CHAF1A: variants seen among roughly 807,000 people sequenced by gnomAD.
CHAF1A encodes CAF-1 subunit A.
A neutral mutation model predicts 93.2 loss-of-function variants in CHAF1A; 5 were observed. The observed-to-expected ratio is 0.05, with a 90% CI of 0.03 to 0.11. CHAF1A has a LOEUF of 0.11. CHAF1A is among the 10% of genes least tolerant of loss of function. The pLI is 1.00. For synonymous variants in CHAF1A, 504 were observed against 510.3 expected (o/e 0.99, Z 0.17); for missense variants, 1,102 against 1,259.9 (o/e 0.87, Z 1.90).
In CHAF1A at chr19:4,443,364, C is replaced by G. The variant is rs1022503754; in HGVS notation, c.*339C>G. On this transcript the variant is annotated 3_prime_UTR_variant, in exon 15 of 15. Transcript: ENST00000301280. The stretch of plus-strand genomic sequence containing the variant: ...CACGTGCGCGGGCCCCTGGACCTAA[C>G]GAGGCAGTGTATAAACTTATTCTCT... 22 of 313,530 alleles carry G rather than the reference C, an allele frequency of 7.0e-5. No homozygotes were observed. The highest frequency in any genetic ancestry group is 1.1e-4 in the African/African-American group (5 of 45,662). The allele number at this position is 313,530 out of a possible 1,614,324, so 19.4% of individuals were successfully genotyped here.
At chr19:4,415,380 G>C (rs568259658) in intron 3 of CHAF1A, among the ~76,000 whole-genome samples, 1 of 152,156 alleles carries the variant, frequency 6.6e-6, no homozygotes, top group Non-Finnish European at 1.5e-5. Flanking sequence ...TCACAGCAGA[G>C]GGGGGGCATT....
At chr19:4,410,541 TG>T (rs1420293448) in intron 3 of CHAF1A, among the ~76,000 whole-genome samples, 1 of 151,954 alleles carries the variant, frequency 6.6e-6, no homozygotes. Flanking sequence ...CCACCACACT[TG>T]GCTAATTTTT....
rs751459841 is a variant in CHAF1A, at chr19:4,442,948, G to A, written c.2794G>A (p.Ala932Thr). ...AGAGGTCCAAGCCCCGTGTGGAGCC[G>A]CTTCCGGAGCTGGGGGTGGTGTGGG... is the stretch of plus-strand genomic sequence containing the variant. ...AAEVQAPCGA[A>T]SGAGGGVGVD... Residue 932 changes from alanine (A) to threonine (T), a missense_variant, in exon 15 of 15, where the codon GCT (alanine) becomes ACT (threonine). Physicochemically the swap from Ala to Thr is moderately conservative, Grantham distance 58 (BLOSUM62 0). This residue lies in a region of CHAF1A where 119 missense variants were observed against 102.2 expected (regional missense o/e 1.16). Transcript: ENST00000301280. 19 of 1,601,254 alleles carry A rather than the reference G, an allele frequency of 1.2e-5. No homozygotes were observed. Among genetic ancestry groups the A allele is most frequent in the Admixed American group, 1.7e-5 (1 of 58,346 alleles).
intron 11 of CHAF1A, 142 bp from the exon 12 acceptor site, chr19:4,431,810 C>T: frequency 1.0e-6 from 1 of 980,380 alleles, no homozygotes; most frequent in Non-Finnish European, 1.5e-6. Flanking sequence ...TGTGCTCTGC[C>T]CTGGCCCTGA....
chr19:4,443,627 G>A (rs981015115), downstream of CHAF1A, among the ~76,000 whole-genome samples: 3 of 152,206 alleles, frequency 2.0e-5, no homozygotes, highest in South Asian at 4.1e-4. Flanking sequence ...GGGTTGGGGG[G>A]TTAGGAGAGG....
intron 4 of CHAF1A, among the ~76,000 whole-genome samples, chr19:4,420,478 A>G (rs1973972014): frequency 1.3e-5 from 2 of 152,176 alleles, no homozygotes; most frequent in South Asian, 4.2e-4. Context: ...CCTGACCTCA[A>G]GTAATCCGCC....
rs945290152 is a variant in CHAF1A, at chr19:4,430,765, C to T, written c.1947+124C>T. 14 of 972,084 alleles carry T rather than the reference C, an allele frequency of 1.4e-5. No individual in the cohort carries two copies. In the African/African-American group the frequency reaches 2.0e-4, roughly 14 times the overall value. The allele number at this position is 972,084 out of a possible 1,614,324, so 60.2% of individuals were successfully genotyped here. On this transcript the variant is annotated intron_variant, in intron 11 of 14. Coordinates refer to ENST00000301280, the MANE Select transcript of CHAF1A (RefSeq NM_005483.3). Reference sequence around the variant, plus strand: ...AACCATACGAGATTTGGACTGCATTCCAAGCACGCAAGCTCACTCGTGGGA... The same window carrying T: ...AACCATACGAGATTTGGACTGCATTTCAAGCACGCAAGCTCACTCGTGGGA...
downstream of CHAF1A, chr19:4,446,458 A>G: frequency 1.9e-6 from 3 of 1,577,862 alleles, no homozygotes; most frequent in Non-Finnish European, 2.6e-6. Context: ...GGGTTCTTCC[A>G]CCCCGCCCCG....
intron 3 of CHAF1A, among the ~76,000 whole-genome samples, chr19:4,417,217 C>T (rs1181750390): frequency 6.6e-6 from 1 of 151,992 alleles, no homozygotes; most frequent in Admixed American, 6.6e-5. Flanking sequence ...GTGATCCTCC[C>T]GCCTTGACCT....
intron 3 of CHAF1A, among the ~76,000 whole-genome samples, chr19:4,411,095 T>C (rs1973789129): frequency 6.6e-6 from 1 of 152,226 alleles, no homozygotes; most frequent in African/African-American, 2.4e-5. Flanking sequence ...TGTTTGTTCA[T>C]GTTGGGTCTT....
At chr19:4,426,726 G>A (rs1308856031) in intron 7 of CHAF1A, among the ~76,000 whole-genome samples, 2 of 151,894 alleles carry the variant, frequency 1.3e-5, no homozygotes, top group Non-Finnish European at 2.9e-5. Flanking sequence ...CGCCTACCTC[G>A]GCCTCCCAAA....
chr19:4,409,645 C>A lies in CHAF1A; in HGVS notation c.846C>A (p.Leu282=). 1 of 1,614,180 alleles carries A rather than the reference C, an allele frequency of 6.2e-7. No individual in the cohort carries two copies. Among genetic ancestry groups the A allele is most frequent in the Non-Finnish European group, 8.5e-7 (1 of 1,180,038 alleles). Residue 282 remains leucine, a synonymous_variant, in exon 3 of 15, where the codon CTC becomes CTA. Transcript: ENST00000301280. ...LESFPEEDSV[L]SHSSLSSPSS... ...CTTTCCCCGAAGAAGACTCTGTACTCAGCCATTCGTCCCTGAGCTCTCCCT... is the reference window on the plus strand; with the variant it reads ...CTTTCCCCGAAGAAGACTCTGTACTAAGCCATTCGTCCCTGAGCTCTCCCT...
intron 4 of CHAF1A, among the ~76,000 whole-genome samples, chr19:4,418,784 A>T (rs2145095709): frequency 6.6e-6 from 1 of 152,148 alleles, no homozygotes; most frequent in Middle Eastern, 3.4e-3. Flanking sequence ...ATGGGTGGTT[A>T]TCCTTTAGTG....
At chr19:4,426,099 T>A (rs1974075389) in intron 7 of CHAF1A, among the ~76,000 whole-genome samples, 1 of 152,106 alleles carries the variant, frequency 6.6e-6, no homozygotes, top group South Asian at 2.1e-4. Context: ...GTAAGTTTTT[T>A]TTAACATAGT....
chr19:4,445,719 C>A, downstream of CHAF1A: 1 of 1,536,240 alleles, frequency 6.5e-7, no homozygotes, highest in Non-Finnish European at 8.7e-7. Flanking sequence ...ATGCCCCGGC[C>A]TGGAAGCCAT....
At chr19:4,413,597 T>C (rs892590444) in intron 3 of CHAF1A, among the ~76,000 whole-genome samples, 1 of 152,212 alleles carries the variant, frequency 6.6e-6, no homozygotes, top group Non-Finnish European at 1.5e-5. Flanking sequence ...GTTGGTACAG[T>C]GAAATATGCA....
At chr19:4,406,120 G>A (rs959354046) in intron 2 of CHAF1A, among the ~76,000 whole-genome samples, 158 bp downstream of exon 2, 4 of 152,156 alleles carry the variant, frequency 2.6e-5, no homozygotes, top group Non-Finnish European at 5.9e-5. Context: ...GTAATGTCTC[G>A]TGGGGTTCCC....
downstream of CHAF1A, chr19:4,445,469 A>T: frequency 6.2e-7 from 1 of 1,613,256 alleles, no homozygotes; most frequent in Non-Finnish European, 8.5e-7. Context: ...AGACAGACCC[A>T]CAGGGCTGAG....
At chr19:4,411,624 G>A (rs1973800486) in intron 3 of CHAF1A, among the ~76,000 whole-genome samples, 1 of 93,538 alleles carries the variant, frequency 1.1e-5, no homozygotes, top group Non-Finnish European at 2.5e-5. Context: ...TTTATGAAAT[G>A]TTGTAAAAAT....
Sources: gnomAD v4.1 joint callset for allele counts (sites outside exome capture counted in the v4.1 genomes callset) on GRCh38, gnomAD v4.1.1 for gene constraint, gnomAD v4.1.1 regional missense constraint, MANE v1.5 for transcripts, NCBI Gene and HGNC (gene_info 2026-07-23, HGNC 2026-07-21) for gene names.